The following TMEM164 variants were observed in gnomAD, a reference collection of about 807,000 sequenced individuals.
The protein encoded by TMEM164 is RP13-360B22.2.
Under a neutral mutation model 18.8 loss-of-function variants are expected in TMEM164, and 4 were observed. That is an observed-to-expected ratio of 0.21 (90% CI 0.10 to 0.49). The LOEUF (loss-of-function observed/expected upper bound fraction) is 0.49. Ranked by LOEUF, TMEM164 falls within the 20% of genes least tolerant of loss-of-function variation. The probability of loss-of-function intolerance (pLI) is 0.98; values close to 1 mark genes in which losing one functional copy is unlikely to be tolerated. For synonymous variants in TMEM164, 86 were observed against 101.7 expected, an observed-to-expected ratio of 0.85 and a Z score of 0.93; for missense variants, 108 against 239.9, an observed-to-expected ratio of 0.45 and a Z score of 3.63.
At chrX:110,182,780 A>T, downstream of TMEM164, 1 of 112,135 alleles carries the variant, frequency 8.9e-6, no homozygotes, top group Non-Finnish European at 1.9e-5. Context: ...ACCCTGAGCC[A>T]TGGGCATTTC....
chrX:110,065,597 T>A (rs1295586508), intron 2 of TMEM164: 1 of 110,327 alleles, frequency 9.1e-6, no homozygotes, highest in East Asian at 2.9e-4. Context: ...TCCTGAGGGG[T>A]GGGATGGGGA....
intron 2 of TMEM164, among the ~76,000 whole-genome samples, chrX:110,029,354 T>C (rs904868697): frequency 1.8e-5 from 2 of 111,857 alleles, no homozygotes; most frequent in South Asian, 3.7e-4. Flanking sequence ...TTCAGACCCT[T>C]GGACTTTCTT....
At chrX:110,041,746 C>T (rs1238203110) in intron 2 of TMEM164, among the ~76,000 whole-genome samples, 1 of 111,484 alleles carries the variant, frequency 9.0e-6, no homozygotes, top group Non-Finnish European at 1.9e-5. Flanking sequence ...CTTTTTTCCC[C>T]ATTAGAAAAA....
At chrX:110,024,798 TG>T (rs1177706474) in intron 2 of TMEM164, among the ~76,000 whole-genome samples, 23 of 112,026 alleles carry the variant, frequency 2.1e-4, no homozygotes, top group Non-Finnish European at 3.9e-4. Flanking sequence ...AGATTGTACA[TG>T]TAACTTTTAT....
intron 5 of TMEM164, among the ~76,000 whole-genome samples, chrX:110,147,856 C>T (rs1362710406): frequency 9.0e-6 from 1 of 110,604 alleles, no homozygotes; most frequent in East Asian, 2.8e-4. Context: ...TATGTGAGAA[C>T]GTAACTCCTG....
chrX:110,020,968 T>TAAAA (rs147367236), intron 2 of TMEM164, among the ~76,000 whole-genome samples: 2 of 43,635 alleles, frequency 4.6e-5, no homozygotes, highest in Admixed American at 6.3e-4. Context: ...CCCCTTTTTC[T>TAAAA]AAAAAAAAAA....
At position 110,132,179 on chromosome X, in the gene TMEM164, T is replaced by G. The variant is rs148890774; in HGVS notation, c.508-12619T>G. 6.8e-4 allele frequency among the ~76,000 whole-genome samples: 76 copies of G among 112,378 alleles called. 1 individual carries two copies. The East Asian group carries it at 0.021, about 31-fold the overall frequency. ...ATCCCTTTTTCTTTTAAAATGGACC[T>G]TGGATACACATAATTGGAGTAATCA... is the stretch of plus-strand genomic sequence containing the variant. On this transcript the variant is annotated intron_variant, in intron 4 of 6. Coordinates refer to ENST00000372068, the MANE Select transcript of TMEM164 (RefSeq NM_032227.4).
intron 2 of TMEM164, among the ~76,000 whole-genome samples, chrX:110,053,615 A>G (rs1007202155): frequency 8.9e-6 from 1 of 111,945 alleles, no homozygotes; most frequent in African/African-American, 3.3e-5. Flanking sequence ...TAGCTGTCCC[A>G]TGTGGCTTTG....
intron 3 of TMEM164, among the ~76,000 whole-genome samples, chrX:110,081,792 G>T (rs763465899): frequency 8.9e-6 from 1 of 112,170 alleles, no homozygotes; most frequent in South Asian, 3.7e-4. Context: ...TGGGCCCTTT[G>T]CTGTGCCAGC....
At chrX:110,042,236 G>A (rs989938507) in intron 2 of TMEM164, among the ~76,000 whole-genome samples, 2 of 108,254 alleles carry the variant, frequency 1.8e-5, no homozygotes, top group Non-Finnish European at 3.8e-5. Flanking sequence ...TCTACTTTCT[G>A]TCTCTATAAA....
chrX:110,030,329 G>A (rs1292770103), intron 2 of TMEM164, among the ~76,000 whole-genome samples: 3 of 107,265 alleles, frequency 2.8e-5, no homozygotes, highest in Non-Finnish European at 5.8e-5. Context: ...CTGCGTTGCC[G>A]AGGCTAGTTT....
At chrX:110,179,423 G>C (rs1282736731), downstream of TMEM164, among the ~76,000 whole-genome samples, 5 of 111,627 alleles carry the variant, frequency 4.5e-5, no homozygotes. Context: ...ACAAGCCCTG[G>C]GCTTTGTAAG....
At chrX:110,095,441 A>G (rs923854783) in intron 3 of TMEM164, among the ~76,000 whole-genome samples, 1 of 111,410 alleles carries the variant, frequency 9.0e-6, no homozygotes, top group Admixed American at 9.6e-5. Flanking sequence ...GTCTTTAATC[A>G]CTGATACCCT....
intron 4 of TMEM164, among the ~76,000 whole-genome samples, chrX:110,134,767 G>T (rs773612717): frequency 3.7e-5 from 4 of 109,468 alleles, no homozygotes; most frequent in Non-Finnish European, 7.6e-5. Flanking sequence ...GGATTTGGGG[G>T]TCTATGGATG....
chrX:110,080,142 G>T (rs999033405), intron 3 of TMEM164, among the ~76,000 whole-genome samples: 1 of 111,055 alleles, frequency 9.0e-6, no homozygotes, highest in African/African-American at 3.3e-5. Context: ...AATTATTGTT[G>T]TTCTGGTAGG....
Position 110,176,098 on chromosome X carries a change from C to T in TMEM164, c.*2647C>T, listed in dbSNP as rs1569364429. ...CAGGTTTCCGTGTGCCATTTGCCAG[C>T]GTGTGGGAGCTCTGCGCGTGTGTGA... On this transcript the variant is annotated 3_prime_UTR_variant, in exon 7 of 7. Transcript: ENST00000372068. 1 of 756,571 alleles carries T rather than the reference C, an allele frequency of 1.3e-6. No individual in the cohort carries two copies. The allele number at this position is 756,571 out of a possible 1,213,427, so 62.3% of individuals were successfully genotyped here. A position where few individuals can be genotyped will look rare whatever the true frequency, so the allele number is the denominator to read the frequency against.
chrX:110,098,541 T>A (rs1379345648), intron 3 of TMEM164, among the ~76,000 whole-genome samples: 1 of 111,708 alleles, frequency 9.0e-6, no homozygotes, highest in Non-Finnish European at 1.9e-5. Flanking sequence ...GTTTTCCAAA[T>A]CAGTGCTTTT....
intron 2 of TMEM164, among the ~76,000 whole-genome samples, chrX:110,030,970 T>C (rs1039315262): frequency 5.4e-5 from 6 of 111,576 alleles, no homozygotes; most frequent in South Asian, 7.6e-4. Context: ...GTTTGTTACA[T>C]AGGTATACAT....
intron 4 of TMEM164, among the ~76,000 whole-genome samples, chrX:110,127,513 C>CAAACAAAACA (rs753725085): frequency 2.7e-5 from 3 of 111,716 alleles, no homozygotes; most frequent in Admixed American, 9.5e-5. Flanking sequence ...AACTCCGTCT[C>CAAACAAAACA]AAACAAAACA....
Sources: gnomAD v4.1 joint callset for allele counts (sites outside exome capture counted in the v4.1 genomes callset) on GRCh38, gnomAD v4.1.1 for gene constraint, MANE v1.5 for transcripts, NCBI Gene and HGNC (gene_info 2026-07-23, HGNC 2026-07-21) for gene names.